Variants in TNKS observed in about 807,000 individuals in gnomAD.
TNKS encodes tankyrase, also known as poly [ADP-ribose] polymerase tankyrase-1.
Under a neutral mutation model 135.8 loss-of-function variants are expected in TNKS, and 72 were observed. That is an observed-to-expected ratio of 0.53 (90% CI 0.44 to 0.64). TNKS has a LOEUF of 0.64. Among genes scored for constraint, TNKS ranks in the 30% least tolerant of loss-of-function variants. The probability of loss-of-function intolerance (pLI) is 0.00; values close to 1 mark genes in which losing one functional copy is unlikely to be tolerated. For missense variants in TNKS, 1,769 were observed against 1,674.0 expected (o/e 1.06, Z -0.99); for synonymous variants, 849 against 649.3 (o/e 1.31, Z -4.68).
chr8:9,578,380 C>A (rs145664268), intron 1 of TNKS, among the ~76,000 whole-genome samples: 40 of 152,304 alleles, frequency 2.6e-4, no homozygotes, highest in African/African-American at 9.6e-4. Flanking sequence ...AAACCAGGAA[C>A]CCTGGTAAGA....
intron 3 of TNKS, among the ~76,000 whole-genome samples, chr8:9,628,603 G>A (rs1049555599): frequency 4.0e-5 from 6 of 151,854 alleles, no homozygotes; most frequent in Non-Finnish European, 8.8e-5. Context: ...GAAAGGCCCA[G>A]GTTAAGTCCT....
intron 11 of TNKS, among the ~76,000 whole-genome samples, chr8:9,719,911 A>G (rs1286897647): frequency 6.6e-6 from 1 of 152,204 alleles, no homozygotes; most frequent in Non-Finnish European, 1.5e-5. Context: ...AATTAGCTAT[A>G]TTACCTAAAT....
At chr8:9,623,805 C>G (rs1460560443) in intron 3 of TNKS, among the ~76,000 whole-genome samples, 3 of 152,050 alleles carry the variant, frequency 2.0e-5, no homozygotes, top group African/African-American at 7.2e-5. Flanking sequence ...AGTTCAAGAC[C>G]AGCCTGGCCA....
chr8:9,744,631 G>A (rs1351570614), intron 17 of TNKS, among the ~76,000 whole-genome samples: 1 of 152,038 alleles, frequency 6.6e-6, no homozygotes, highest in African/African-American at 2.4e-5. Context: ...TTCTTTTCTG[G>A]ACCTTCTAGT....
Position 9,710,365 on chromosome 8 carries a change from T to G in TNKS, c.1749+145T>G. 3 of 719,922 alleles carry G rather than the reference T, an allele frequency of 4.2e-6. No individual in the cohort carries two copies. In the South Asian group the frequency reaches 5.1e-5, roughly 12 times the overall value. 44.6% of individuals were successfully genotyped at this position (719,922 alleles called of 1,614,324 possible). ...GTACTTAAATTCATGGATTCTCCTA[T>G]AAAGCTGATTTAGATCTTGTTTCTA... On this transcript the variant is annotated intron_variant, in intron 11 of 26. Transcript: ENST00000310430.
rs71201959 is a variant in TNKS at position 9,649,878 on chromosome 8, C to CTTTTTTTTTTTTTTTTT, written c.995-30060_995-30044dup. Among the ~76,000 whole-genome samples the CTTTTTTTTTTTTTTTTT allele has an allele frequency of 1.7e-4, 14 of 83,364 alleles. 2 individuals are homozygous for CTTTTTTTTTTTTTTTTT. Among genetic ancestry groups the CTTTTTTTTTTTTTTTTT allele is most frequent in the African/African-American group, 7.5e-4 (14 of 18,764 alleles). The allele number at this position is 83,364 out of a possible 152,430, so 54.7% of individuals were successfully genotyped here. On this transcript the variant is annotated intron_variant, in intron 3 of 26. Transcript: ENST00000310430. ...CACAGTTCTTTCTTTCTTTTCTTTT[C>CTTTTTTTTTTTTTTTTT]TTTTTTTTTTTTTTTTTTTTTTTTT...
At chr8:9,724,254 A>G (rs192163883) in intron 12 of TNKS, among the ~76,000 whole-genome samples, 159 of 152,204 alleles carry the variant, frequency 1.0e-3, no homozygotes, top group Non-Finnish European at 9.1e-4. Context: ...GTTCAAGCCC[A>G]GCTTGGGCAA....
intron 17 of TNKS, chr8:9,741,635 A>T (rs143672016): frequency 2.1e-6 from 1 of 480,134 alleles, no homozygotes; most frequent in Non-Finnish European, 4.5e-6. Context: ...TTTATAAACT[A>T]AGTATTTTAC....
chr8:9,771,353 AGG>A (rs1173292965), intron 26 of TNKS, among the ~76,000 whole-genome samples: 3 of 95,918 alleles, frequency 3.1e-5, no homozygotes, highest in Non-Finnish European at 6.5e-5. Flanking sequence ...GGAAGCAGGG[AGG>A]GAGAGAGAGA....
intron 3 of TNKS, among the ~76,000 whole-genome samples, chr8:9,674,039 TA>T (rs1802425762): frequency 1.3e-5 from 2 of 152,198 alleles, no homozygotes; most frequent in African/African-American, 4.8e-5. Context: ...TTTAACTGCT[TA>T]CTCTACAATT....
chr8:9,730,981 C>G lies in TNKS; in HGVS notation c.2093C>G (p.Ser698Cys), dbSNP rs1656812469. The change falls in exon 14 of 27, where the codon TCT (serine) becomes TGT (cysteine). Residue 698 changes from serine to cysteine, a missense_variant. Around this residue, in one of 5 missense-constraint regions of TNKS, gnomAD observed 69 missense variants for 120.3 expected, o/e 0.57. Transcript: ENST00000310430. ...LHFAAGYNRV[S>C]VVEYLLHHGA... ...TTCGCAGCAGGCTACAACCGCGTGTCTGTTGTAGAGTACCTGCTACACCAC... is the reference window on the plus strand; with the variant it reads ...TTCGCAGCAGGCTACAACCGCGTGTGTGTTGTAGAGTACCTGCTACACCAC... 6.2e-7 allele frequency: 1 copy of G among 1,613,904 alleles called. No homozygotes were observed. Among genetic ancestry groups the G allele is most frequent in the African/African-American group, 1.3e-5 (1 of 74,932 alleles).
rs530019121 is a variant in TNKS at position 9,575,307 on chromosome 8, G to C, written c.674-4852G>C. On this transcript the variant is annotated intron_variant, in intron 1 of 26. Transcript: ENST00000310430. The stretch of plus-strand genomic sequence containing the variant: ...TCACCATGTTAGCTAGGATGGTCTC[G>C]ATTTCCTGACCTCGTGATCCGCCTG... The C allele has an allele frequency of 7.9e-5, 61 of 775,090 alleles. No homozygotes were observed. In the South Asian group the frequency reaches 3.2e-3, roughly 41 times the overall value. 48.0% of individuals were successfully genotyped at this position (775,090 alleles called of 1,614,324 possible).
intron 1 of TNKS, among the ~76,000 whole-genome samples, chr8:9,579,957 G>T (rs1219162197): frequency 6.6e-6 from 1 of 152,184 alleles, no homozygotes; most frequent in Admixed American, 6.5e-5. Flanking sequence ...ACAGCCCAAA[G>T]ACTAAAGGAA....
chr8:9,633,761 G>C (rs1166019686), intron 3 of TNKS, among the ~76,000 whole-genome samples: 2 of 152,186 alleles, frequency 1.3e-5, no homozygotes, highest in East Asian at 3.8e-4. Flanking sequence ...CATTTGGGGA[G>C]GTACTGAAGT....
chr8:9,668,385 A>G (rs1802102398), intron 3 of TNKS, among the ~76,000 whole-genome samples: 1 of 152,174 alleles, frequency 6.6e-6, no homozygotes, highest in African/African-American at 2.4e-5. Context: ...ATACACTCAA[A>G]TTTTGCCTCT....
intron 2 of TNKS, among the ~76,000 whole-genome samples, chr8:9,612,680 G>C (rs80174135): frequency 6.6e-6 from 1 of 152,234 alleles, no homozygotes; most frequent in African/African-American, 2.4e-5. Context: ...ATCTGTGGCT[G>C]CTTTCACACT....
At chr8:9,572,128 A>AT (rs1055273232) in intron 1 of TNKS, among the ~76,000 whole-genome samples, 1 of 152,122 alleles carries the variant, frequency 6.6e-6, no homozygotes, top group African/African-American at 2.4e-5. Context: ...TACTGAATTC[A>AT]TTTTTTGTCA....
chr8:9,770,233 G>A lies in TNKS; in HGVS notation c.3868G>A (p.Ala1290Thr), dbSNP rs753804241. The A allele has an allele frequency of 6.2e-7, 1 of 1,613,330 alleles. No individual in the cohort carries two copies. Among genetic ancestry groups the A allele is most frequent in the Admixed American group, 1.7e-5 (1 of 60,006 alleles). The change falls in exon 26 of 27, where the codon GCT becomes ACT. Residue 1290 changes from alanine to threonine, a missense_variant. By Grantham distance (58) the Ala-to-Thr change is moderately conservative. Coordinates refer to ENST00000310430, the MANE Select transcript of TNKS (RefSeq NM_003747.3). ...ACCGAGCGTCAATGGGCTGGCATAT[G>A]CTGAATATGTCATCTACAGAGGAGA... is the stretch of plus-strand genomic sequence containing the variant. ...GRPSVNGLAY[A>T]EYVIYRGEQA... is the part of the protein sequence containing the mutation.
intron 5 of TNKS, chr8:9,681,270 C>G (rs1802770734): frequency 6.6e-6 from 1 of 152,332 alleles, no homozygotes; most frequent in African/African-American, 2.4e-5. Flanking sequence ...AACAGCTCTG[C>G]TCTTTTATTA....
Sources: allele counts gnomAD v4.1 joint callset (sites outside exome capture counted in the v4.1 genomes callset), GRCh38; gene constraint gnomAD v4.1.1; regional missense constraint gnomAD v4.1.1; transcripts MANE v1.5; gene names NCBI Gene and HGNC (gene_info 2026-07-23, HGNC 2026-07-21).